RMDN2: variants seen among roughly 807,000 people sequenced by gnomAD.
RMDN2 encodes the protein regulator of microtubule dynamics 2, also known as regulator of microtubule dynamics protein 2.
Under a neutral mutation model 52.8 loss-of-function variants are expected in RMDN2, and 61 were observed. The ratio of observed to expected loss-of-function variants is 1.16; its 90% CI spans 0.94 to 1.43. RMDN2 has a LOEUF of 1.43. RMDN2 is among the 40% of genes most tolerant of loss of function. RMDN2 has a pLI of 0.00. For synonymous variants in RMDN2, 180 were observed against 153.1 expected, an observed-to-expected ratio of 1.18 and a Z score of -1.30; for missense variants, 592 against 475.3, an observed-to-expected ratio of 1.25 and a Z score of -2.28.
At chr2:37,948,978 G>A (rs1668466556) in intron 2 of RMDN2, among the ~76,000 whole-genome samples, 1 of 152,016 alleles carries the variant, frequency 6.6e-6, no homozygotes, top group Non-Finnish European at 1.5e-5. Context: ...ACAACAAGCT[G>A]GCCCAATTTT....
chr2:37,936,970 T>A (rs186928047), intron 2 of RMDN2, among the ~76,000 whole-genome samples: 1 of 152,242 alleles, frequency 6.6e-6, no homozygotes, highest in East Asian at 1.9e-4. Context: ...TCTTTGCTCA[T>A]GCCTATGTCC....
At chr2:38,022,008 T>C (rs777989621), downstream of RMDN2, among the ~76,000 whole-genome samples, 6 of 152,208 alleles carry the variant, frequency 3.9e-5, no homozygotes, top group Non-Finnish European at 5.9e-5. Context: ...TCTTTCCATG[T>C]AGGTAATGAC....
At chr2:38,009,563 G>A (rs907313930) in intron 10 of RMDN2, among the ~76,000 whole-genome samples, 4 of 152,248 alleles carry the variant, frequency 2.6e-5, no homozygotes, top group South Asian at 2.1e-4. Flanking sequence ...AGCTCCATCA[G>A]GTCCTTTAAG....
intron 6 of RMDN2, among the ~76,000 whole-genome samples, chr2:37,990,138 G>GGC (rs1674573847): frequency 1.3e-5 from 1 of 76,946 alleles, no homozygotes; most frequent in Non-Finnish European, 2.2e-5. Flanking sequence ...GTGAGACTCC[G>GGC]TCTGAAAAAA....
intron 10 of RMDN2, among the ~76,000 whole-genome samples, chr2:38,051,717 C>T (rs557425320): frequency 1.3e-5 from 2 of 152,300 alleles, no homozygotes; most frequent in Admixed American, 6.5e-5. Context: ...TCTACTCTCT[C>T]TCTCTACCTC....
intron 5 of RMDN2, among the ~76,000 whole-genome samples, chr2:37,986,802 A>G (rs1390961277): frequency 6.6e-6 from 1 of 152,076 alleles, no homozygotes; most frequent in Non-Finnish European, 1.5e-5. Flanking sequence ...AAGTTGAGGA[A>G]AATTTTATCA....
At chr2:38,057,568 G>C (rs1017072707) in intron 10 of RMDN2, among the ~76,000 whole-genome samples, 12 of 152,144 alleles carry the variant, frequency 7.9e-5, no homozygotes, top group African/African-American at 2.9e-4. Flanking sequence ...GTAGCCAATG[G>C]AGCCTGATAT....
chr2:37,944,863 A>G (rs1045224494), intron 2 of RMDN2, among the ~76,000 whole-genome samples: 1 of 152,166 alleles, frequency 6.6e-6, no homozygotes, highest in Non-Finnish European at 1.5e-5. Context: ...GAGCGTATTT[A>G]TGGGCCACAA....
chr2:38,042,423 AC>A (rs72542373), intron 10 of RMDN2, among the ~76,000 whole-genome samples: 28 of 37,164 alleles, frequency 7.5e-4, no homozygotes, highest in Admixed American at 1.1e-3. Flanking sequence ...ACACACACAC[AC>A]CACACACACA....
chr2:38,017,853 A>G, downstream of RMDN2: 1 of 199,718 alleles, frequency 5.0e-6, no homozygotes, highest in Non-Finnish European at 1.0e-5. Context: ...GAGAGTCAGC[A>G]AAGGAAGGTA....
At chr2:37,932,038 C>CA (rs1243180844) in intron 2 of RMDN2, among the ~76,000 whole-genome samples, 1 of 151,918 alleles carries the variant, frequency 6.6e-6, no homozygotes, top group Non-Finnish European at 1.5e-5. Context: ...GAATAAGATA[C>CA]AAAAAATTTA....
At position 37,972,514 on chromosome 2, in the gene RMDN2, C is replaced by T. The variant is rs145306571; in HGVS notation, c.453-1526C>T. Reference sequence around the variant, plus strand: ...AGGTATTGGCCAGATTATGTTAGGCCTTGTAGACCCCTGAAAGGACTTAGG... The same window carrying T: ...AGGTATTGGCCAGATTATGTTAGGCTTTGTAGACCCCTGAAAGGACTTAGG... On this transcript the variant is annotated intron_variant, in intron 2 of 10. Transcript: ENST00000354545. Among the ~76,000 whole-genome samples, 911 of 152,218 alleles carry T rather than the reference C, an allele frequency of 6.0e-3. 11 individuals carry two copies. The highest frequency in any genetic ancestry group is 0.021 in the African/African-American group (852 of 41,526).
intron 10 of RMDN2, among the ~76,000 whole-genome samples, chr2:38,008,527 A>T (rs912824950): frequency 6.6e-6 from 1 of 151,808 alleles, no homozygotes; most frequent in Non-Finnish European, 1.5e-5. Context: ...TGGGATTGCA[A>T]CCCCTGCCTT....
chr2:38,047,215 A>G (rs886357121), intron 10 of RMDN2, among the ~76,000 whole-genome samples: 3 of 152,224 alleles, frequency 2.0e-5, no homozygotes, highest in Non-Finnish European at 2.9e-5. Context: ...ACGACATCAT[A>G]TGGTAACTTA....
rs561584681 is a variant in RMDN2 at position 37,953,933 on chromosome 2, T to C, written c.453-20107T>C. On this transcript the variant is annotated intron_variant, in intron 2 of 10. Coordinates refer to ENST00000354545, the MANE Select transcript of RMDN2 (RefSeq NM_001170791.3). ...TATCTCATTGTGGTTTTTATTTGAATATCCCTAATGATTAGTGACATTGAA... is the reference window on the plus strand; with the variant it reads ...TATCTCATTGTGGTTTTTATTTGAACATCCCTAATGATTAGTGACATTGAA... 1.2e-3 allele frequency among the ~76,000 whole-genome samples: 178 copies of C among 152,184 alleles called. 2 individuals carry two copies. Among genetic ancestry groups the C allele is most frequent in the African/African-American group, 4.1e-3 (172 of 41,544 alleles).
At chr2:37,961,040 G>A (rs931280636) in intron 2 of RMDN2, among the ~76,000 whole-genome samples, 5 of 152,144 alleles carry the variant, frequency 3.3e-5, no homozygotes, top group African/African-American at 1.2e-4. Flanking sequence ...GGCTTGTAGG[G>A]TTTCTGCAGA....
intron 2 of RMDN2, among the ~76,000 whole-genome samples, chr2:37,970,971 T>C (rs2125059581): frequency 6.6e-6 from 1 of 152,178 alleles, no homozygotes; most frequent in Admixed American, 6.5e-5. Context: ...ATCAGATATA[T>C]GATTCATAAC....
At position 37,929,634 on chromosome 2, in the gene RMDN2, G is replaced by A. The variant is rs1431031649; in HGVS notation, c.357G>A (p.Lys119=). ...TTGGAGGGAAAATAACTGTTCATAA[G>A]ATAAGCCCTCAGCACAGAGCGAGAA... ...DELGGKITVH[K]ISPQHRARKR... The change falls in exon 2 of 11, where the codon AAG becomes AAA. Residue 119 remains lysine, a synonymous_variant. Coordinates refer to ENST00000354545, the MANE Select transcript of RMDN2 (RefSeq NM_001170791.3). The A allele has an allele frequency of 1.3e-6, 2 of 1,551,478 alleles. No individual in the cohort carries two copies. Among genetic ancestry groups the A allele is most frequent in the Non-Finnish European group, 1.7e-6 (2 of 1,146,944 alleles).
At chr2:38,002,596 A>G (rs2125185081) in intron 8 of RMDN2, among the ~76,000 whole-genome samples, 1 of 152,314 alleles carries the variant, frequency 6.6e-6, no homozygotes, top group East Asian at 1.9e-4. Flanking sequence ...TCTGTAAATT[A>G]TATATATGTA....
Sources: gnomAD v4.1 joint callset for allele counts (sites outside exome capture counted in the v4.1 genomes callset) on GRCh38, gnomAD v4.1.1 for gene constraint, MANE v1.5 for transcripts, NCBI Gene and HGNC (gene_info 2026-07-23, HGNC 2026-07-21) for gene names.